The following MACROD2 variants were observed in gnomAD, a reference collection of about 807,000 sequenced individuals.
MACROD2 encodes mono-ADP ribosylhydrolase 2.
MACROD2 carries 36 observed loss-of-function variants against 70.4 expected under a neutral mutation model. The ratio of observed to expected loss-of-function variants is 0.51; its 90% CI spans 0.39 to 0.68. MACROD2 has a LOEUF of 0.68. Among genes scored for constraint, MACROD2 ranks in the 30% least tolerant of loss-of-function variants. The probability of loss-of-function intolerance (pLI) is 0.00; values close to 1 mark genes in which losing one functional copy is unlikely to be tolerated. For missense variants in MACROD2, 496 were observed against 538.4 expected (o/e 0.92, Z 0.78); for synonymous variants, 172 against 178.8 (o/e 0.96, Z 0.30).
At chr20:14,827,070 G>A (rs1485047157) in intron 5 of MACROD2, among the ~76,000 whole-genome samples, 1 of 152,040 alleles carries the variant, frequency 6.6e-6, no homozygotes, top group Admixed American at 6.6e-5. Flanking sequence ...ATGTCAGGGC[G>A]AGCAGCAACC....
intron 3 of MACROD2, among the ~76,000 whole-genome samples, chr20:14,420,692 GA>G (rs2083866530): frequency 6.6e-6 from 1 of 151,978 alleles, no homozygotes; most frequent in South Asian, 2.1e-4. Flanking sequence ...TTAATCTCTT[GA>G]AAATGTTCTT....
chr20:14,813,802 T>C (rs904457435), intron 5 of MACROD2, among the ~76,000 whole-genome samples: 2 of 152,010 alleles, frequency 1.3e-5, no homozygotes, highest in Non-Finnish European at 2.9e-5. Flanking sequence ...GATTACATTA[T>C]TGGCCATTGG....
chr20:14,903,759 G>A (rs1242429273), intron 5 of MACROD2, among the ~76,000 whole-genome samples: 2 of 152,118 alleles, frequency 1.3e-5, no homozygotes, highest in Admixed American at 1.3e-4. Context: ...GCCAGTAAGA[G>A]TGGGCAGATC....
At chr20:15,646,306 T>A (rs1283020652) in intron 8 of MACROD2, among the ~76,000 whole-genome samples, 1 of 152,240 alleles carries the variant, frequency 6.6e-6, no homozygotes, top group Non-Finnish European at 1.5e-5. Context: ...AACCTTCTGA[T>A]GAGCCCCAAG....
chr20:15,788,801 TAAG>T (rs2051973925), intron 8 of MACROD2, among the ~76,000 whole-genome samples: 1 of 152,192 alleles, frequency 6.6e-6, no homozygotes, highest in African/African-American at 2.4e-5. Flanking sequence ...AGACCTATAA[TAAG>T]TAAAGATATT....
At chr20:15,607,932 G>A (rs1347454199) in intron 8 of MACROD2, among the ~76,000 whole-genome samples, 4 of 152,208 alleles carry the variant, frequency 2.6e-5, no homozygotes, top group South Asian at 2.1e-4. Context: ...AATATCCAGA[G>A]ATGGAATTCA....
chr20:14,212,198 T>C (rs76495263), intron 3 of MACROD2, among the ~76,000 whole-genome samples: 3,615 of 152,226 alleles, frequency 0.024, 131 homozygotes, highest in African/African-American at 0.081. Context: ...ATTATATTAA[T>C]GTTCAGTTAA....
At chr20:14,711,728 A>T (rs1488472602) in intron 5 of MACROD2, among the ~76,000 whole-genome samples, 1 of 152,108 alleles carries the variant, frequency 6.6e-6, no homozygotes, top group Admixed American at 6.5e-5. Flanking sequence ...CCCCAGCCCC[A>T]GTATTTCCAA....
At position 13,995,685 on chromosome 20, in the gene MACROD2, CCCT is replaced by C; in HGVS notation, c.-76_-74del. 1 of 1,088,930 alleles carries C rather than the reference CCCT, an allele frequency of 9.2e-7. No individual in the cohort carries two copies. Among genetic ancestry groups the C allele is most frequent in the Non-Finnish European group, 1.4e-6 (1 of 709,454 alleles). 67.5% of individuals were successfully genotyped at this position (1,088,930 alleles called of 1,614,324 possible). On this transcript the variant is annotated 5_prime_UTR_variant, in exon 1 of 18. Transcript: ENST00000684519. This position sits in a 1 kb window ranked among gnomAD's most constrained non-coding sequence, Gnocchi z 4.3. ...TTCCCTGCTGAGTGCCCCCTCCCAC[CCCT>C]CCCACTCCACACACACCCTGTTTGC...
At chr20:15,577,647 G>A (rs560768259) in intron 8 of MACROD2, among the ~76,000 whole-genome samples, 11 of 148,230 alleles carry the variant, frequency 7.4e-5, no homozygotes, top group African/African-American at 2.8e-4. Flanking sequence ...TACTCCCTGC[G>A]TGCGTACATA....
chr20:14,907,826 G>A (rs969146458), intron 5 of MACROD2, among the ~76,000 whole-genome samples: 4 of 152,082 alleles, frequency 2.6e-5, no homozygotes, highest in Admixed American at 2.0e-4. Flanking sequence ...TTTGTTTATT[G>A]TTCATCTGTT....
intron 5 of MACROD2, among the ~76,000 whole-genome samples, chr20:15,157,349 AC>A (rs71870874): frequency 0.78 from 86,605 of 110,446 alleles, 33,234 homozygotes; most frequent in East Asian, 0.84. Context: ...CTAATTAACC[AC>A]CCCCCCCCAC....
intron 3 of MACROD2, among the ~76,000 whole-genome samples, chr20:14,117,164 C>A (rs949703896): frequency 3.3e-5 from 5 of 151,992 alleles, no homozygotes; most frequent in African/African-American, 1.2e-4. Context: ...ATTTCCCTAT[C>A]GCTTTATCTT....
At chr20:14,080,094 T>C (rs770669978) in intron 2 of MACROD2, among the ~76,000 whole-genome samples, 4 of 151,988 alleles carry the variant, frequency 2.6e-5, no homozygotes, top group Non-Finnish European at 5.9e-5. Context: ...ATAGTTCTTA[T>C]AGGAAAAATA....
At chr20:14,997,785 G>C (rs2074962390) in intron 5 of MACROD2, among the ~76,000 whole-genome samples, 1 of 152,102 alleles carries the variant, frequency 6.6e-6, no homozygotes, top group Admixed American at 6.5e-5. Context: ...CATGGGCCCT[G>C]GGCAAGTCCC....
At chr20:16,003,074 CCACCCACCCACA>C (rs1436043717) in intron 15 of MACROD2, among the ~76,000 whole-genome samples, 30 of 37,664 alleles carry the variant, frequency 8.0e-4, no homozygotes, top group East Asian at 3.7e-3. Flanking sequence ...GAAAACCCAC[CCACCCACCCACA>C]CACACACACA....
At chr20:15,323,523 A>G (rs1192829662) in intron 6 of MACROD2, among the ~76,000 whole-genome samples, 1 of 152,116 alleles carries the variant, frequency 6.6e-6, no homozygotes, top group Non-Finnish European at 1.5e-5. Context: ...AATGGAATTA[A>G]TTTTGTCCCC....
intron 8 of MACROD2, among the ~76,000 whole-genome samples, chr20:15,710,055 A>G (rs979768566): frequency 6.6e-6 from 1 of 152,138 alleles, no homozygotes; most frequent in Non-Finnish European, 1.5e-5. Context: ...TCCGTACGAC[A>G]CTTCTCAAAA....
chr20:14,726,150 C>T (rs2071527483), intron 5 of MACROD2, among the ~76,000 whole-genome samples: 1 of 152,164 alleles, frequency 6.6e-6, no homozygotes, highest in Non-Finnish European at 1.5e-5. Context: ...TAACCAATGG[C>T]TCAGTAATTC....
Sources: allele counts gnomAD v4.1 joint callset (sites outside exome capture counted in the v4.1 genomes callset), GRCh38; gene constraint gnomAD v4.1.1; non-coding constraint Gnocchi (gnomAD v3.1); transcripts MANE v1.5; gene names NCBI Gene and HGNC (gene_info 2026-07-23, HGNC 2026-07-21).